ADAMTS19: variants seen among roughly 807,000 people sequenced by gnomAD.
The protein encoded by ADAMTS19 is A disintegrin and metalloproteinase with thrombospondin motifs 19.
A neutral mutation model predicts 153.3 loss-of-function variants in ADAMTS19; 93 were observed. That is an observed-to-expected ratio of 0.61 (90% CI 0.51 to 0.72). The LOEUF (loss-of-function observed/expected upper bound fraction) is 0.72, where lower values mean the gene tolerates loss of function less well. Among genes scored for constraint, ADAMTS19 ranks in the 30% least tolerant of loss-of-function variants. ADAMTS19 has a pLI of 0.00. For missense variants in ADAMTS19, 1,482 were observed against 1,552.1 expected (o/e 0.95, Z 0.76); for synonymous variants, 600 against 556.6 (o/e 1.08, Z -1.10).
At chr5:129,481,408 C>G (rs866594438) in intron 2 of ADAMTS19, among the ~76,000 whole-genome samples, 2 of 152,122 alleles carry the variant, frequency 1.3e-5, no homozygotes, top group Non-Finnish European at 2.9e-5. Flanking sequence ...CTGGGGATTA[C>G]AATTTGAGAT....
intron 8 of ADAMTS19, among the ~76,000 whole-genome samples, chr5:129,597,670 G>A (rs1277794759): frequency 6.6e-6 from 1 of 152,080 alleles, no homozygotes; most frequent in African/African-American, 2.4e-5. Context: ...ACTTTGGGAG[G>A]CCGAGGTGGG....
chr5:129,603,358 ATACCATT>A (rs903596723), intron 8 of ADAMTS19, among the ~76,000 whole-genome samples: 3 of 152,210 alleles, frequency 2.0e-5, no homozygotes, highest in African/African-American at 7.2e-5. Flanking sequence ...TAATCCTATG[ATACCATT>A]CACTGCAAAT....
chr5:129,526,041 T>G (rs954672325), intron 3 of ADAMTS19, among the ~76,000 whole-genome samples: 1 of 152,036 alleles, frequency 6.6e-6, no homozygotes, highest in Non-Finnish European at 1.5e-5. Flanking sequence ...GTGTTATCAT[T>G]ATCCACTTTG....
intron 15 of ADAMTS19, among the ~76,000 whole-genome samples, chr5:129,664,029 T>C (rs779267533): frequency 3.3e-5 from 5 of 152,178 alleles, no homozygotes; most frequent in Non-Finnish European, 5.9e-5. Context: ...TATAAGTTGT[T>C]CTCTCCTTTG....
At chr5:129,588,845 A>G (rs1749952010) in intron 7 of ADAMTS19, among the ~76,000 whole-genome samples, 1 of 151,760 alleles carries the variant, frequency 6.6e-6, no homozygotes, top group Non-Finnish European at 1.5e-5. Flanking sequence ...TTTTAAAGCA[A>G]GTTCCTTTTA....
At chr5:129,641,535 T>C (rs1259989365) in intron 10 of ADAMTS19, among the ~76,000 whole-genome samples, 1 of 152,184 alleles carries the variant, frequency 6.6e-6, no homozygotes, top group Non-Finnish European at 1.5e-5. Context: ...CCATGTGTCA[T>C]AGCATATAAA....
At chr5:129,717,252 CA>C (rs1223537836) in intron 21 of ADAMTS19, among the ~76,000 whole-genome samples, 1 of 151,518 alleles carries the variant, frequency 6.6e-6, no homozygotes, top group African/African-American at 2.4e-5. Flanking sequence ...TATGTGTAAG[CA>C]AAAAAAATTT....
intron 12 of ADAMTS19, 104 bp downstream of exon 12, chr5:129,647,999 T>A: frequency 7.7e-7 from 1 of 1,295,246 alleles, no homozygotes; most frequent in Non-Finnish European, 1.0e-6. Flanking sequence ...CCTCAAACTC[T>A]ACTCACGTTG....
chr5:129,633,447 T>C (rs1411817519), intron 10 of ADAMTS19, among the ~76,000 whole-genome samples: 1 of 152,168 alleles, frequency 6.6e-6, no homozygotes, highest in Non-Finnish European at 1.5e-5. Flanking sequence ...AATGTTGTTG[T>C]TATATTATAG....
intron 2 of ADAMTS19, among the ~76,000 whole-genome samples, chr5:129,485,691 A>G (rs530015319): frequency 1.3e-5 from 2 of 152,354 alleles, no homozygotes; most frequent in South Asian, 4.1e-4. Context: ...GAAAGTTTAC[A>G]ACTTTGGATA....
At chr5:129,554,397 C>T (rs539717625) in intron 7 of ADAMTS19, among the ~76,000 whole-genome samples, 1 of 152,236 alleles carries the variant, frequency 6.6e-6, no homozygotes, top group African/African-American at 2.4e-5. Flanking sequence ...CTAAGCCAGT[C>T]AGCACATGCC....
intron 21 of ADAMTS19, among the ~76,000 whole-genome samples, chr5:129,733,073 C>T (rs1382367724): frequency 6.6e-6 from 1 of 151,946 alleles, no homozygotes; most frequent in Non-Finnish European, 1.5e-5. Flanking sequence ...CAACCCTATT[C>T]AATAAATGAT....
chr5:129,622,442 A>T, intron 10 of ADAMTS19, 94 bp downstream of exon 10: 1 of 1,377,182 alleles, frequency 7.3e-7, no homozygotes, highest in Non-Finnish European at 9.9e-7. Context: ...TTTGTGGATC[A>T]AAAGCACCCC....
chr5:129,537,187 G>T (rs13157747), intron 6 of ADAMTS19, among the ~76,000 whole-genome samples: 4 of 151,840 alleles, frequency 2.6e-5, no homozygotes, highest in African/African-American at 9.7e-5. Flanking sequence ...GCTCATCATC[G>T]CTGGCCATCA....
chr5:129,693,343 G>T lies in ADAMTS19; in HGVS notation c.2819-1377G>T, dbSNP rs376491613. On this transcript the variant is annotated intron_variant, in intron 18 of 22. Coordinates refer to ENST00000274487, the MANE Select transcript of ADAMTS19 (RefSeq NM_133638.6). ...AGCTGCTCTTTCTGTTAATTGAGTGGCAGAATGACCTCCCTGCCACCAGCC... is the reference window on the plus strand; with the variant it reads ...AGCTGCTCTTTCTGTTAATTGAGTGTCAGAATGACCTCCCTGCCACCAGCC... 1.6e-4 allele frequency among the ~76,000 whole-genome samples: 24 copies of T among 152,156 alleles called. No individual in the cohort carries two copies. The East Asian group carries it at 2.7e-3, about 17-fold the overall frequency.
chr5:129,544,032 G>A (rs960161674), intron 6 of ADAMTS19, among the ~76,000 whole-genome samples: 2 of 151,878 alleles, frequency 1.3e-5, no homozygotes, highest in Non-Finnish European at 2.9e-5. Flanking sequence ...CATTACTCTC[G>A]TAATTGAGTC....
chr5:129,535,643 G>C (rs1029609135), intron 6 of ADAMTS19, among the ~76,000 whole-genome samples: 1 of 152,072 alleles, frequency 6.6e-6, no homozygotes, highest in Non-Finnish European at 1.5e-5. Flanking sequence ...GAGGCATCAC[G>C]CTAGCTGACT....
chr5:129,694,634 A>T, intron 18 of ADAMTS19, 86 bp from the exon 19 acceptor site: 1 of 1,016,758 alleles, frequency 9.8e-7, no homozygotes, highest in Non-Finnish European at 1.3e-6. Flanking sequence ...TAAATAAAAA[A>T]TAAGCATAAT....
intron 7 of ADAMTS19, among the ~76,000 whole-genome samples, chr5:129,562,548 G>A (rs555254478): frequency 7.2e-5 from 11 of 152,258 alleles, no homozygotes; most frequent in Middle Eastern, 3.4e-3. Flanking sequence ...TGGAATCCCA[G>A]GTTTCTGCAT....
Sources: allele counts gnomAD v4.1 joint callset (sites outside exome capture counted in the v4.1 genomes callset), GRCh38; gene constraint gnomAD v4.1.1; transcripts MANE v1.5; gene names NCBI Gene and HGNC (gene_info 2026-07-23, HGNC 2026-07-21).